Variants in AMMECR1 observed in about 807,000 individuals in gnomAD.
AMMECR1 encodes AMMECR nuclear protein 1.
A neutral mutation model predicts 22.5 loss-of-function variants in AMMECR1; 3 were observed. The observed-to-expected ratio is 0.13, with a 90% CI of 0.06 to 0.35. The LOEUF (loss-of-function observed/expected upper bound fraction) is 0.35, where lower values mean the gene tolerates loss of function less well. Among genes scored for constraint, AMMECR1 ranks in the 10% least tolerant of loss-of-function variants. AMMECR1 has a pLI of 1.00. For missense variants in AMMECR1, 235 were observed against 278.7 expected (o/e 0.84, Z 1.12); for synonymous variants, 130 against 116.7 (o/e 1.11, Z -0.74).
upstream of AMMECR1, chrX:110,318,183 GGC>G (rs1205300777): frequency 3.8e-4 from 249 of 660,222 alleles, no homozygotes; most frequent in South Asian, 5.1e-4. Context: ...AGGCTGGCGG[GGC>G]GCGCGCGCGC....
chrX:110,238,711 GCCT>G (rs1216172471), intron 2 of AMMECR1, among the ~76,000 whole-genome samples: 1 of 112,488 alleles, frequency 8.9e-6, no homozygotes, highest in Non-Finnish European at 1.9e-5. Flanking sequence ...GGGACAGACT[GCCT>G]CCTCAAGTGG....
chrX:110,217,871 T>C (rs1011430972), intron 2 of AMMECR1, among the ~76,000 whole-genome samples: 3 of 111,408 alleles, frequency 2.7e-5, no homozygotes, highest in Non-Finnish European at 5.7e-5. Context: ...ACTGCGTTTT[T>C]ATATTTGCAC....
chrX:110,230,328 T>A (rs979459490), intron 2 of AMMECR1, among the ~76,000 whole-genome samples: 99 of 112,126 alleles, frequency 8.8e-4, no homozygotes, highest in African/African-American at 3.1e-3. Flanking sequence ...CGCAGCAATA[T>A]TTGCTGTTCT....
chrX:110,375,954 T>C (rs749040702), intron 2 of AMMECR1, among the ~76,000 whole-genome samples: 5 of 111,714 alleles, frequency 4.5e-5, no homozygotes, highest in South Asian at 7.7e-4. Flanking sequence ...ATTGACTACA[T>C]ACAGTAATGC....
At chrX:110,427,064 T>C (rs1241121285) in intron 1 of AMMECR1, among the ~76,000 whole-genome samples, 1 of 112,191 alleles carries the variant, frequency 8.9e-6, no homozygotes, top group African/African-American at 3.2e-5. Context: ...CCCTGCCAAG[T>C]ATATTTCCTA....
chrX:110,306,247 T>C (rs2067994333), intron 1 of AMMECR1, among the ~76,000 whole-genome samples: 1 of 109,756 alleles, frequency 9.1e-6, no homozygotes, highest in African/African-American at 3.3e-5. Flanking sequence ...TGAGCCAAGA[T>C]CACGCCACTG....
intron 1 of AMMECR1, among the ~76,000 whole-genome samples, chrX:110,272,077 G>A (rs1000176119): frequency 2.8e-4 from 31 of 109,968 alleles, no homozygotes; most frequent in African/African-American, 8.9e-4. Flanking sequence ...TTAGCAGGGC[G>A]TAGTGGTGGG....
intron 1 of AMMECR1, among the ~76,000 whole-genome samples, chrX:110,438,584 A>G (rs1189507033): frequency 1.8e-5 from 2 of 111,720 alleles, no homozygotes; most frequent in African/African-American, 6.5e-5. Context: ...AACAGGCGGT[A>G]GTGAAGTCAG....
intron 1 of AMMECR1, among the ~76,000 whole-genome samples, chrX:110,274,312 G>C (rs1373012117): frequency 8.9e-6 from 1 of 111,887 alleles, no homozygotes; most frequent in Non-Finnish European, 1.9e-5. Context: ...ACTGATTTTT[G>C]TCTACTTGTT....
At chrX:110,220,860 A>T (rs1372814109) in intron 2 of AMMECR1, among the ~76,000 whole-genome samples, 1 of 112,267 alleles carries the variant, frequency 8.9e-6, no homozygotes, top group Non-Finnish European at 1.9e-5. Flanking sequence ...GCTATGAAAG[A>T]ACCAAAGAGT....
intron 1 of AMMECR1, among the ~76,000 whole-genome samples, chrX:110,269,130 G>A (rs1009201092): frequency 8.9e-6 from 1 of 111,733 alleles, no homozygotes; most frequent in African/African-American, 3.3e-5. Context: ...AGCCAATACT[G>A]TCAGGTCAAC....
At chrX:110,228,719 T>C (rs1208188944) in intron 2 of AMMECR1, among the ~76,000 whole-genome samples, 1 of 110,828 alleles carries the variant, frequency 9.0e-6, no homozygotes, top group Non-Finnish European at 1.9e-5. Flanking sequence ...ACCAACACTA[T>C]GTGTGTGTGG....
At chrX:110,257,715 G>A (rs146548690) in intron 2 of AMMECR1, among the ~76,000 whole-genome samples, 2,771 of 111,511 alleles carry the variant, frequency 0.025, 38 homozygotes, top group Middle Eastern at 0.065. Context: ...ATACATTTTA[G>A]CTTTTATAAC....
chrX:110,414,867 C>T (rs909559763), intron 2 of AMMECR1, among the ~76,000 whole-genome samples: 2 of 112,383 alleles, frequency 1.8e-5, no homozygotes, highest in Middle Eastern at 4.2e-3. Context: ...TCCTTCCTTT[C>T]TCACTGCATC....
At chrX:110,214,135 C>A (rs913755783) in intron 3 of AMMECR1, among the ~76,000 whole-genome samples, 2 of 109,959 alleles carry the variant, frequency 1.8e-5, no homozygotes, top group Non-Finnish European at 3.8e-5. Context: ...TAGTGGTGGG[C>A]GCCTGTAGTC....
intron 1 of AMMECR1, among the ~76,000 whole-genome samples, chrX:110,310,374 GTTT>G (rs751906427): frequency 3.0e-4 from 31 of 104,172 alleles, no homozygotes; most frequent in African/African-American, 1.1e-3. Flanking sequence ...ACCAGAATTT[GTTT>G]TTTTTTTTCC....
intron 2 of AMMECR1, among the ~76,000 whole-genome samples, chrX:110,375,206 T>A (rs953713017): frequency 8.0e-5 from 9 of 111,927 alleles, no homozygotes; most frequent in African/African-American, 2.9e-4. Context: ...AATAATCTAC[T>A]AGCAAATTCA....
intron 2 of AMMECR1, among the ~76,000 whole-genome samples, chrX:110,406,765 C>T (rs2068605175): frequency 8.9e-6 from 1 of 112,241 alleles, no homozygotes; most frequent in African/African-American, 3.2e-5. Context: ...AAGTCTTATG[C>T]TCCTCTGCTT....
rs143971621 is a variant in AMMECR1 at position 110,415,259 on chromosome X, G to A, written c.-148+11399C>T. 6.6e-3 allele frequency among the ~76,000 whole-genome samples: 738 copies of A among 112,365 alleles called. 6 individuals are homozygous for A. The highest frequency in any genetic ancestry group is 0.023 in the African/African-American group (713 of 30,917). ...AGAAGAAAAAGCTCTCACTTGGAAA[G>A]TTTAGTGACATGAGCTGTATGGTAT... is the stretch of plus-strand genomic sequence containing the variant. On this transcript the variant is annotated intron_variant, in intron 2 of 7. Coordinates refer to the AMMECR1 transcript ENST00000372057.
Sources: gnomAD v4.1 joint callset for allele counts (sites outside exome capture counted in the v4.1 genomes callset) on GRCh38, gnomAD v4.1.1 for gene constraint, MANE v1.5 for transcripts, NCBI Gene and HGNC (gene_info 2026-07-23, HGNC 2026-07-21) for gene names.